Variants in MCU observed in about 807,000 individuals in gnomAD.
MCU encodes calcium uniporter protein, mitochondrial.
In MCU, 12 loss-of-function variants were observed where a neutral mutation model predicts 45.2. That is an observed-to-expected ratio of 0.27 (90% CI 0.17 to 0.43). The LOEUF (loss-of-function observed/expected upper bound fraction) is 0.43, where lower values mean the gene tolerates loss of function less well. Ranked by LOEUF, MCU falls within the 20% of genes least tolerant of loss-of-function variation. The pLI is 1.00. For missense variants in MCU, 324 were observed against 436.7 expected (o/e 0.74, Z 2.30); for synonymous variants, 160 against 165.1 (o/e 0.97, Z 0.24).
At chr10:72,755,779 A>G (rs1414696576) in intron 1 of MCU, among the ~76,000 whole-genome samples, 1 of 152,114 alleles carries the variant, frequency 6.6e-6, no homozygotes, top group Non-Finnish European at 1.5e-5. Context: ...TTTGCCAGAT[A>G]AGAGTTTTCA....
chr10:72,718,928 A>G (rs1051108603), intron 1 of MCU, among the ~76,000 whole-genome samples: 3 of 152,190 alleles, frequency 2.0e-5, no homozygotes, highest in African/African-American at 7.2e-5. Context: ...AGGTAAAACT[A>G]ATCAATAGTG....
intron 4 of MCU, among the ~76,000 whole-genome samples, chr10:72,862,105 C>T (rs1221277278): frequency 2.0e-5 from 3 of 151,828 alleles, no homozygotes; most frequent in African/African-American, 7.3e-5. Flanking sequence ...CCTCAACCTC[C>T]TGAGTAGCTG....
At chr10:72,822,012 A>C (rs375211707) in intron 1 of MCU, among the ~76,000 whole-genome samples, 3 of 152,232 alleles carry the variant, frequency 2.0e-5, no homozygotes, top group East Asian at 3.8e-4. Context: ...GTGGTGGCTC[A>C]CGCCTGTAAT....
At chr10:72,740,746 C>T (rs924310239) in intron 1 of MCU, among the ~76,000 whole-genome samples, 1 of 152,220 alleles carries the variant, frequency 6.6e-6, no homozygotes, top group Non-Finnish European at 1.5e-5. Flanking sequence ...TGCTCCTTTG[C>T]TGGGGCAGCC....
intron 1 of MCU, among the ~76,000 whole-genome samples, chr10:72,739,229 G>T (rs1843292328): frequency 6.6e-6 from 1 of 152,106 alleles, no homozygotes; most frequent in African/African-American, 2.4e-5. Context: ...AAAAGAAAAG[G>T]CTGGAATGAC....
chr10:72,718,036 C>G (rs1842975663), intron 1 of MCU, among the ~76,000 whole-genome samples: 1 of 152,140 alleles, frequency 6.6e-6, no homozygotes, highest in Admixed American at 6.5e-5. Context: ...TTATTATTAA[C>G]TAAAGTCCAT....
At chr10:72,803,896 T>G (rs1021360088) in intron 1 of MCU, among the ~76,000 whole-genome samples, 1 of 150,200 alleles carries the variant, frequency 6.7e-6, no homozygotes, top group Non-Finnish European at 1.5e-5. Context: ...CATGTTTAAA[T>G]TTTTCTGATT....
chr10:72,729,952 C>CTTTTTTTT (rs58668483), intron 1 of MCU, among the ~76,000 whole-genome samples: 2 of 90,530 alleles, frequency 2.2e-5, no homozygotes, highest in Non-Finnish European at 4.5e-5. Flanking sequence ...CTTCAGCATT[C>CTTTTTTTT]TTTTTTTTTT....
intron 2 of MCU, among the ~76,000 whole-genome samples, chr10:72,852,404 C>CTT (rs1845220800): frequency 1.3e-5 from 2 of 152,134 alleles, no homozygotes; most frequent in African/African-American, 4.8e-5. Context: ...CTGATTTTGC[C>CTT]TTTTAGTTTT....
chr10:72,859,196 A>C lies in MCU; in HGVS notation c.240A>C (p.Gln80His). 6.3e-7 allele frequency: 1 copy of C among 1,599,680 alleles called. No individual in the cohort carries two copies. The highest frequency in any genetic ancestry group is 8.5e-7 in the Non-Finnish European group (1 of 1,173,934). Reference protein sequence around the residue: ...VPSDDVTVVYQNGLPVISVRL... With the variant: ...VPSDDVTVVYHNGLPVISVRL... ...ATTCAGATGTTACAGTGGTTTATCAAAATGGGTTACCTGTGATATCTGTGA... is the reference window on the plus strand; with the variant it reads ...ATTCAGATGTTACAGTGGTTTATCACAATGGGTTACCTGTGATATCTGTGA... Residue 80 changes from glutamine (Q) to histidine (H), a missense_variant, in exon 3 of 8, where the codon CAA becomes CAC. By Grantham distance (24) the Gln-to-His change is conservative. Coordinates refer to ENST00000373053, the MANE Select transcript of MCU (RefSeq NM_138357.3).
At chr10:72,700,424 G>A (rs531908619) in intron 1 of MCU, among the ~76,000 whole-genome samples, 86 of 152,296 alleles carry the variant, frequency 5.6e-4, no homozygotes, top group African/African-American at 2.0e-3. Flanking sequence ...TTTAGATTAA[G>A]CTTGATAATA....
chr10:72,693,469 G>A (rs962485386), intron 1 of MCU, among the ~76,000 whole-genome samples: 3 of 152,068 alleles, frequency 2.0e-5, no homozygotes, highest in African/African-American at 4.8e-5. Context: ...TAAACACATC[G>A]CCTGCCTTGT....
intron 1 of MCU, among the ~76,000 whole-genome samples, chr10:72,810,461 CTTTTTTTTT>C (rs751918414): frequency 8.2e-5 from 6 of 73,408 alleles, no homozygotes; most frequent in Admixed American, 1.6e-4. Context: ...ATTATGTTGC[CTTTTTTTTT>C]TTTTTTTTTT....
intron 1 of MCU, among the ~76,000 whole-genome samples, chr10:72,822,015 C>T (rs972695183): frequency 2.6e-5 from 4 of 152,194 alleles, no homozygotes; most frequent in Non-Finnish European, 5.9e-5. Flanking sequence ...GTGGCTCACG[C>T]CTGTAATCCC....
chr10:72,820,438 T>G (rs750628140), intron 1 of MCU, among the ~76,000 whole-genome samples: 2 of 152,162 alleles, frequency 1.3e-5, no homozygotes, highest in Non-Finnish European at 2.9e-5. Context: ...TGATTATTTG[T>G]CAAAATTGCT....
chr10:72,883,488 T>C (rs1589513617), intron 6 of MCU, among the ~76,000 whole-genome samples: 1 of 152,194 alleles, frequency 6.6e-6, no homozygotes, highest in Non-Finnish European at 1.5e-5. Context: ...GGAATGGTGG[T>C]ACCTCATAAT....
chr10:72,814,418 A>G (rs536086918), intron 1 of MCU, among the ~76,000 whole-genome samples: 1 of 152,250 alleles, frequency 6.6e-6, no homozygotes, highest in South Asian at 2.1e-4. Context: ...TCCCTGGTGC[A>G]TTAAAACCTA....
chr10:72,884,429 G>T (rs2132906710), intron 7 of MCU, 47 bp downstream of exon 7: 3 of 1,059,734 alleles, frequency 2.8e-6, no homozygotes, highest in African/African-American at 1.6e-5. Flanking sequence ...ATCTTGCATG[G>T]TTATTATTAT....
chr10:72,750,680 G>A (rs186903099), intron 1 of MCU, among the ~76,000 whole-genome samples: 2 of 152,076 alleles, frequency 1.3e-5, no homozygotes, highest in East Asian at 3.9e-4. Flanking sequence ...TTTGATGTAC[G>A]TGTCTATGAA....
Sources: allele counts gnomAD v4.1 joint callset (sites outside exome capture counted in the v4.1 genomes callset), GRCh38; gene constraint gnomAD v4.1.1; transcripts MANE v1.5; gene names NCBI Gene and HGNC (gene_info 2026-07-23, HGNC 2026-07-21).